The following PCDHGA12 variants were observed in gnomAD, a reference collection of about 807,000 sequenced individuals.
PCDHGA12 encodes protocadherin gamma subfamily A, 12.
In PCDHGA12, 43 loss-of-function variants were observed where a neutral mutation model predicts 61.1. The observed-to-expected ratio is 0.70, with a 90% CI of 0.55 to 0.91. The LOEUF (loss-of-function observed/expected upper bound fraction) is 0.91, where lower values mean the gene tolerates loss of function less well. Ranked by LOEUF, PCDHGA12 falls within the 40% of genes least tolerant of loss-of-function variation. The pLI, the probability that PCDHGA12 is intolerant of heterozygous loss-of-function variation, is 0.00. For synonymous variants in PCDHGA12, 520 were observed against 542.9 expected (o/e 0.96, Z 0.59); for missense variants, 1,236 against 1,227.7 (o/e 1.01, Z -0.10).
At chr5:141,453,871 A>T (rs561367146) in intron 1 of PCDHGA12, among the ~76,000 whole-genome samples, 8 of 152,364 alleles carry the variant, frequency 5.3e-5, no homozygotes, top group African/African-American at 1.9e-4. Flanking sequence ...ACAGATGAGC[A>T]AAATAATGTG....
At position 141,462,908 on chromosome 5, in the gene PCDHGA12, T is replaced by G. The variant is rs186061013; in HGVS notation, c.2424+29725T>G. ...AGTTTGTTTTGGAAGGCTATTATGT[T>G]TTTTGCAGATCAGGTTGATCTTTTC... On this transcript the variant is annotated intron_variant, in intron 1 of 3. Coordinates refer to ENST00000252085, the MANE Select transcript of PCDHGA12 (RefSeq NM_003735.3). Among the ~76,000 whole-genome samples the G allele has an allele frequency of 1.4e-4, 21 of 152,362 alleles. No individual in the cohort carries two copies. The East Asian group carries it at 3.5e-3, about 25-fold the overall frequency.
intron 1 of PCDHGA12, among the ~76,000 whole-genome samples, chr5:141,454,743 G>A (rs1050167077): frequency 6.7e-6 from 1 of 149,684 alleles, no homozygotes; most frequent in African/African-American, 2.5e-5. Context: ...ATGAAAAGAG[G>A]CCAAACTAAT....
intron 2 of PCDHGA12, among the ~76,000 whole-genome samples, chr5:141,497,050 G>A (rs113054804): frequency 6.6e-5 from 10 of 152,096 alleles, no homozygotes; most frequent in East Asian, 5.8e-4. Context: ...TTAGCCAGGC[G>A]TGGTGGCAGG....
At chr5:141,439,524 A>T (rs774174912) in intron 1 of PCDHGA12, among the ~76,000 whole-genome samples, 2 of 152,114 alleles carry the variant, frequency 1.3e-5, no homozygotes, top group Admixed American at 6.5e-5. Flanking sequence ...AACTAACTCT[A>T]CAGAACGCTG....
intron 1 of PCDHGA12, among the ~76,000 whole-genome samples, chr5:141,444,472 C>T (rs559334960): frequency 2.1e-4 from 32 of 151,968 alleles, no homozygotes; most frequent in Admixed American, 1.5e-3. Flanking sequence ...CGCCCGGTCG[C>T]GTACTGGATT....
chr5:141,453,746 T>C (rs1345046460), intron 1 of PCDHGA12, among the ~76,000 whole-genome samples: 1 of 152,254 alleles, frequency 6.6e-6, no homozygotes, highest in Non-Finnish European at 1.5e-5. Flanking sequence ...TTAAATAACA[T>C]AAGTCTCCTA....
intron 1 of PCDHGA12, among the ~76,000 whole-genome samples, chr5:141,454,657 C>T (rs554561906): frequency 5.1e-4 from 77 of 152,192 alleles, no homozygotes; most frequent in African/African-American, 1.7e-3. Flanking sequence ...CTGCCCACCT[C>T]GGCCTCCCAA....
chr5:141,432,934 G>GC lies in PCDHGA12; in HGVS notation c.2176dup (p.Gln726ProfsTer61). On this transcript the variant is annotated frameshift_variant, in exon 1 of 4. Transcript: ENST00000252085. LOFTEE classifies it high-confidence loss of function. The surrounding 1 kb of genome is among the most constrained non-coding windows in gnomAD (Gnocchi z 6.0). ...GGCGCTGGCACAAGTCACGCCTGCT[G>GC]CAGGCTTCAGGAGGCGGCTTGACAG... The GC allele has an allele frequency of 6.2e-7, 1 of 1,614,196 alleles. No individual in the cohort carries two copies. Among genetic ancestry groups the GC allele is most frequent in the Non-Finnish European group, 8.5e-7 (1 of 1,180,040 alleles).
intron 1 of PCDHGA12, among the ~76,000 whole-genome samples, chr5:141,483,208 G>A (rs1195144442): frequency 6.6e-6 from 1 of 152,196 alleles, no homozygotes; most frequent in East Asian, 1.9e-4. Context: ...ATTCCATATA[G>A]ATGACAGTCA....
intron 1 of PCDHGA12, 124 bp downstream of exon 1, chr5:141,433,307 C>T (rs982853368): frequency 2.2e-6 from 2 of 913,640 alleles, no homozygotes; most frequent in Admixed American, 2.7e-5. Context: ...AATTATCCCA[C>T]CTTTGCCTCC....
chr5:141,491,937 AC>A lies in PCDHGA12; in HGVS notation c.2425-2865del. ...CTGTGGGCGAGGGGAGGTGGGACCG[AC>A]CCCCACCCCTACACTCAAAAAAGGC... On this transcript the variant is annotated intron_variant, in intron 1 of 3. Transcript: ENST00000252085. This position sits in a 1 kb window ranked among gnomAD's most constrained non-coding sequence, Gnocchi z 6.9. The A allele has an allele frequency of 3.4e-6, 4 of 1,164,304 alleles. No homozygotes were observed. Among genetic ancestry groups the A allele is most frequent in the Non-Finnish European group, 4.7e-6 (4 of 858,404 alleles). The allele number at this position is 1,164,304 out of a possible 1,614,324, so 72.1% of individuals were successfully genotyped here.
Position 141,485,193 on chromosome 5 carries a change from G to C in PCDHGA12, c.2425-9614G>C. 1 of 1,613,988 alleles carries C rather than the reference G, an allele frequency of 6.2e-7. No individual in the cohort carries two copies. Among genetic ancestry groups the C allele is most frequent in the Non-Finnish European group, 8.5e-7 (1 of 1,179,852 alleles). On this transcript the variant is annotated intron_variant, in intron 1 of 3. Transcript: ENST00000252085. This position sits in a 1 kb window ranked among gnomAD's most constrained non-coding sequence, Gnocchi z 5.7. ...GCAGCAATGCTCCGCAAGGTGAGAA[G>C]CTGGACAGAAATCTGGCGGTGGGCT...
In PCDHGA12 at chr5:141,511,296, A is replaced by C; in HGVS notation, c.*123A>C. 1 of 1,505,968 alleles carries C rather than the reference A, an allele frequency of 6.6e-7. No individual in the cohort carries two copies. The allele number at this position is 1,505,968 out of a possible 1,614,324, so 93.3% of individuals were successfully genotyped here. On this transcript the variant is annotated 3_prime_UTR_variant, in exon 4 of 4. Coordinates refer to ENST00000252085, the MANE Select transcript of PCDHGA12 (RefSeq NM_003735.3). ...CAGAATACTGGTAGGGGCCAAGGCCATGCTCCCCTTGGGAAACAGAAACAA... is the reference window on the plus strand; with the variant it reads ...CAGAATACTGGTAGGGGCCAAGGCCCTGCTCCCCTTGGGAAACAGAAACAA...
intron 3 of PCDHGA12, among the ~76,000 whole-genome samples, chr5:141,509,686 G>A (rs1350812680): frequency 6.6e-6 from 1 of 152,212 alleles, no homozygotes; most frequent in Non-Finnish European, 1.5e-5. Flanking sequence ...CTTCTGTACA[G>A]TGGGACGTTG....
At chr5:141,472,980 C>CAAAAAAA (rs60579131) in intron 1 of PCDHGA12, among the ~76,000 whole-genome samples, 1 of 86,102 alleles carries the variant, frequency 1.2e-5, no homozygotes, top group South Asian at 4.3e-4. Flanking sequence ...GAGTGAAACT[C>CAAAAAAA]AAAAAAAAAA....
chr5:141,448,145 A>G (rs2098568457), intron 1 of PCDHGA12, among the ~76,000 whole-genome samples: 1 of 151,716 alleles, frequency 6.6e-6, no homozygotes, highest in South Asian at 2.1e-4. Flanking sequence ...TATACCTCAG[A>G]CTCACCCCTG....
Position 141,430,573 on chromosome 5 carries a change from A to T in PCDHGA12, c.-187A>T, listed in dbSNP as rs938248057. On this transcript the variant is annotated 5_prime_UTR_variant, in exon 1 of 4. Coordinates refer to ENST00000252085, the MANE Select transcript of PCDHGA12 (RefSeq NM_003735.3). ...TCACCAATCGGGGAGAGAAAAGCGG[A>T]GATCCTGCTCGCCTTGCACGCGCCT... 2 of 449,056 alleles carry T rather than the reference A, an allele frequency of 4.5e-6. No homozygotes were observed. Among genetic ancestry groups the T allele is most frequent in the Non-Finnish European group, 7.6e-6 (2 of 264,426 alleles). The allele number at this position is 449,056 out of a possible 1,614,324, so 27.8% of individuals were successfully genotyped here.
intron 1 of PCDHGA12, chr5:141,475,956 G>T (rs2099382674): frequency 2.5e-6 from 2 of 805,186 alleles, no homozygotes; most frequent in South Asian, 1.9e-5. Flanking sequence ...TCTGCGCCCC[G>T]GGATGAGGCA....
Position 141,511,349 on chromosome 5 carries a change from C to T in PCDHGA12, c.*176C>T, listed in dbSNP as rs1463242262. The T allele has an allele frequency of 2.1e-6, 3 of 1,401,380 alleles. No homozygotes were observed. The highest frequency in any genetic ancestry group is 2.9e-5 in the African/African-American group (2 of 68,826). 86.8% of individuals were successfully genotyped at this position (1,401,380 alleles called of 1,614,324 possible). The stretch of plus-strand genomic sequence containing the variant: ...GCCCAGTCAGCACCTACCCCTTCCC[C>T]CCCAGGGGGTTGAATATGCAAAAGC... On this transcript the variant is annotated 3_prime_UTR_variant, in exon 4 of 4. Transcript: ENST00000252085.
Sources: allele counts gnomAD v4.1 joint callset (sites outside exome capture counted in the v4.1 genomes callset), GRCh38; gene constraint gnomAD v4.1.1; non-coding constraint Gnocchi (gnomAD v3.1); transcripts MANE v1.5; gene names NCBI Gene and HGNC (gene_info 2026-07-23, HGNC 2026-07-21).